Variants in ZNF438 observed in about 807,000 individuals in gnomAD.
ZNF438 encodes zinc finger protein 438.
A neutral mutation model predicts 38.0 loss-of-function variants in ZNF438; 25 were observed. The observed-to-expected ratio is 0.66, with a 90% CI of 0.48 to 0.92. ZNF438 has a LOEUF of 0.92. ZNF438 is among the 40% of genes least tolerant of loss of function. ZNF438 has a pLI of 0.00. For missense variants in ZNF438, 1,007 were observed against 999.6 expected, an observed-to-expected ratio of 1.01 and a Z score of -0.10; for synonymous variants, 372 against 364.1, an observed-to-expected ratio of 1.02 and a Z score of -0.25.
chr10:30,880,694 GAA>G (rs2039123010), intron 3 of ZNF438, among the ~76,000 whole-genome samples: 1 of 152,054 alleles, frequency 6.6e-6, no homozygotes, highest in African/African-American at 2.4e-5. Flanking sequence ...TCCAGACATA[GAA>G]AAGATTCCTA....
intron 4 of ZNF438, among the ~76,000 whole-genome samples, chr10:30,868,491 T>A (rs931619313): frequency 1.3e-5 from 2 of 152,190 alleles, no homozygotes; most frequent in Non-Finnish European, 2.9e-5. Flanking sequence ...TCTATAAATG[T>A]TTTTAGGATT....
chr10:30,932,959 C>T (rs1249662629), intron 2 of ZNF438, among the ~76,000 whole-genome samples: 1 of 152,170 alleles, frequency 6.6e-6, no homozygotes, highest in Non-Finnish European at 1.5e-5. Flanking sequence ...AGAGGCAAGG[C>T]AGAATCCTCC....
At chr10:30,985,902 A>G (rs977103315) in intron 1 of ZNF438, among the ~76,000 whole-genome samples, 3 of 152,178 alleles carry the variant, frequency 2.0e-5, no homozygotes, top group Non-Finnish European at 2.9e-5. Flanking sequence ...CCACTGCATG[A>G]TGTGTCAGTC....
intron 3 of ZNF438, among the ~76,000 whole-genome samples, chr10:30,880,288 G>A (rs1449372930): frequency 6.6e-6 from 1 of 151,826 alleles, no homozygotes; most frequent in Non-Finnish European, 1.5e-5. Flanking sequence ...AAAATTAGCT[G>A]GGCATGGTGG....
intron 3 of ZNF438, among the ~76,000 whole-genome samples, chr10:30,898,614 A>G (rs565885292): frequency 6.6e-6 from 1 of 152,302 alleles, no homozygotes; most frequent in African/African-American, 2.4e-5. Context: ...TAAAAATAAT[A>G]ACCGTTCTAA....
At chr10:30,875,961 C>T (rs2038352725) in intron 4 of ZNF438, among the ~76,000 whole-genome samples, 1 of 152,232 alleles carries the variant, frequency 6.6e-6, no homozygotes, top group Non-Finnish European at 1.5e-5. Flanking sequence ...CAACAATATG[C>T]TAGGTGATTT....
intron 1 of ZNF438, among the ~76,000 whole-genome samples, chr10:30,962,729 G>A (rs2049632906): frequency 7.4e-6 from 1 of 134,910 alleles, no homozygotes. Context: ...TTGTCACACT[G>A]GCAGCAATTC....
At chr10:30,969,498 T>A (rs1027082476) in intron 1 of ZNF438, among the ~76,000 whole-genome samples, 9 of 152,192 alleles carry the variant, frequency 5.9e-5, no homozygotes, top group African/African-American at 1.9e-4. Context: ...TTTCCATGAA[T>A]TCTAAATTGC....
At chr10:30,906,988 G>C (rs1385615812) in intron 3 of ZNF438, among the ~76,000 whole-genome samples, 1 of 151,994 alleles carries the variant, frequency 6.6e-6, no homozygotes, top group East Asian at 1.9e-4. Flanking sequence ...TTCTTTGTTA[G>C]TTTAAGACAT....
intron 1 of ZNF438, among the ~76,000 whole-genome samples, chr10:31,015,994 T>A (rs567207192): frequency 2.0e-5 from 3 of 152,196 alleles, no homozygotes; most frequent in Non-Finnish European, 4.4e-5. Flanking sequence ...TCTCCAATAC[T>A]GTCATGTGGA....
At chr10:30,928,256 T>G (rs1278081722) in intron 2 of ZNF438, among the ~76,000 whole-genome samples, 1 of 152,186 alleles carries the variant, frequency 6.6e-6, no homozygotes. Flanking sequence ...ATAACATTTA[T>G]TAGTTACATA....
chr10:30,891,744 T>A (rs1156821475), intron 3 of ZNF438, among the ~76,000 whole-genome samples: 2 of 152,186 alleles, frequency 1.3e-5, no homozygotes, highest in African/African-American at 4.8e-5. Context: ...CTAGAAAGAC[T>A]CACGTTTGTG....
Position 31,023,610 on chromosome 10 carries a change from C to T in ZNF438, c.-192+8223G>A, listed in dbSNP as rs111447397. Among the ~76,000 whole-genome samples the T allele has an allele frequency of 3.1e-3, 478 of 152,244 alleles. 3 individuals carry two copies. Among genetic ancestry groups the T allele is most frequent in the African/African-American group, 0.01 (429 of 41,540 alleles). On this transcript the variant is annotated intron_variant, in intron 1 of 5. Transcript: ENST00000413025. Reference sequence around the variant, plus strand: ...ATCAACATGTTTGACATAAAAAGTACGTATTCTTCAACTTCAAGAAAGGAA... The same window carrying T: ...ATCAACATGTTTGACATAAAAAGTATGTATTCTTCAACTTCAAGAAAGGAA...
At chr10:30,953,896 C>G (rs1589400726) in intron 1 of ZNF438, among the ~76,000 whole-genome samples, 1 of 152,186 alleles carries the variant, frequency 6.6e-6, no homozygotes, top group South Asian at 2.1e-4. Flanking sequence ...GTACTCCCAA[C>G]ACTTTGGGAG....
chr10:30,844,858 T>A lies in ZNF438; in HGVS notation c.*103A>T. On this transcript the variant is annotated 3_prime_UTR_variant, in exon 6 of 6. Coordinates refer to ENST00000413025, the Ensembl canonical transcript of ZNF438. Reference sequence around the variant, plus strand: ...AATCATTTCTGTTCACTCACACCAATCCTGTTGTTTGATCTTTGTGACTAA... The same window carrying A: ...AATCATTTCTGTTCACTCACACCAAACCTGTTGTTTGATCTTTGTGACTAA... 9 of 1,389,610 alleles carry A rather than the reference T, an allele frequency of 6.5e-6. No individual in the cohort carries two copies. The South Asian group carries it at 1.3e-4, about 19-fold the overall frequency. 86.1% of individuals were successfully genotyped at this position (1,389,610 alleles called of 1,614,324 possible).
chr10:30,844,951 C>T (rs753104491), exon 6 of ZNF438: 2 of 1,611,162 alleles, frequency 1.2e-6, no homozygotes, highest in Admixed American at 1.7e-5. Flanking sequence ...CCCCAGGCTG[C>T]CTTGGGGTCT....
intron 3 of ZNF438, 146 bp from the exon 5 acceptor site, chr10:30,877,211 T>C: frequency 2.2e-6 from 1 of 447,140 alleles, no homozygotes; most frequent in East Asian, 3.6e-5. Context: ...TATTAAGAAT[T>C]GATGTTTTTA....
intron 2 of ZNF438, among the ~76,000 whole-genome samples, chr10:30,922,661 C>T (rs1391462845): frequency 6.6e-6 from 1 of 151,922 alleles, no homozygotes; most frequent in Non-Finnish European, 1.5e-5. Context: ...TGGTGAAACC[C>T]CTTCTCTAGT....
chr10:30,955,774 T>G (rs1589412397), intron 1 of ZNF438, among the ~76,000 whole-genome samples: 1 of 152,248 alleles, frequency 6.6e-6, no homozygotes, highest in Non-Finnish European at 1.5e-5. Flanking sequence ...TGGGGCATTT[T>G]ATTAGGTAGT....
Sources: allele counts gnomAD v4.1 joint callset (sites outside exome capture counted in the v4.1 genomes callset), GRCh38; gene constraint gnomAD v4.1.1; transcripts MANE v1.5; gene names NCBI Gene and HGNC (gene_info 2026-07-23, HGNC 2026-07-21).